PITPNC1: variants seen among roughly 807,000 people sequenced by gnomAD.
PITPNC1 encodes phosphatidylinositol transfer protein cytoplasmic 1, also known as cytoplasmic phosphatidylinositol transfer protein 1.
In PITPNC1, 18 loss-of-function variants were observed where a neutral mutation model predicts 44.7. The observed-to-expected ratio is 0.40, with a 90% confidence interval of 0.28 to 0.60. The LOEUF (loss-of-function observed/expected upper bound fraction) is 0.60. Among genes scored for constraint, PITPNC1 ranks in the 20% least tolerant of loss-of-function variants. The pLI is 0.39. For missense variants in PITPNC1, 290 were observed against 418.4 expected (o/e 0.69, Z 2.68); for synonymous variants, 141 against 149.6 (o/e 0.94, Z 0.42).
At chr17:67,414,686 A>ATTTT (rs2038561057) in intron 1 of PITPNC1, among the ~76,000 whole-genome samples, 1 of 152,162 alleles carries the variant, frequency 6.6e-6, no homozygotes. Flanking sequence ...GTCAACCCGC[A>ATTTT]GGGGTTGAAA....
chr17:67,451,826 T>A (rs571778836), intron 1 of PITPNC1, among the ~76,000 whole-genome samples: 5 of 151,546 alleles, frequency 3.3e-5, no homozygotes, highest in Admixed American at 6.6e-5. Context: ...TTAGTAGAGA[T>A]GGAGTTTCAC....
chr17:67,537,846 C>G (rs2040550896), intron 2 of PITPNC1, among the ~76,000 whole-genome samples: 1 of 151,768 alleles, frequency 6.6e-6, no homozygotes, highest in African/African-American at 2.4e-5. Flanking sequence ...GTGGCGGGTG[C>G]CTGTAATCCC....
intron 6 of PITPNC1, among the ~76,000 whole-genome samples, chr17:67,663,010 T>G (rs969918216): frequency 3.9e-5 from 6 of 152,196 alleles, no homozygotes; most frequent in Non-Finnish European, 7.3e-5. Context: ...GTGCATGTCT[T>G]TTTGGTAGAA....
rs1316853367 is a variant in PITPNC1, at chr17:67,692,299, A to C, written c.683-273A>C. ...CCGTCTAGTTCTGTATTCTACTGTTAAGTCCTTATTGAGAATACTTAAAAT... is the reference window on the plus strand; with the variant it reads ...CCGTCTAGTTCTGTATTCTACTGTTCAGTCCTTATTGAGAATACTTAAAAT... On this transcript the variant is annotated intron_variant, in intron 8 of 8. Coordinates refer to ENST00000581322, the MANE Select transcript of PITPNC1 (RefSeq NM_012417.4). Among the ~76,000 whole-genome samples the C allele has an allele frequency of 2.6e-5, 4 of 152,306 alleles. No individual in the cohort carries two copies. The East Asian group carries it at 7.7e-4, about 29-fold the overall frequency.
intron 5 of PITPNC1, among the ~76,000 whole-genome samples, chr17:67,622,200 T>G (rs2041839185): frequency 1.4e-5 from 2 of 142,498 alleles, no homozygotes; most frequent in South Asian, 2.2e-4. Context: ...GAGCTTGCAG[T>G]GAGCCGAGAT....
At chr17:67,515,598 G>A (rs1490936593) in intron 1 of PITPNC1, among the ~76,000 whole-genome samples, 1 of 152,182 alleles carries the variant, frequency 6.6e-6, no homozygotes, top group African/African-American at 2.4e-5. Context: ...ATTTCCAACT[G>A]ATAAGAGAGT....
intron 6 of PITPNC1, among the ~76,000 whole-genome samples, chr17:67,634,119 A>G (rs1166283128): frequency 2.6e-5 from 4 of 152,148 alleles, no homozygotes; most frequent in South Asian, 2.1e-4. Flanking sequence ...CTTTTCCTTC[A>G]TGCTTCACAG....
intron 4 of PITPNC1, among the ~76,000 whole-genome samples, chr17:67,562,732 T>C (rs914090993): frequency 6.6e-6 from 1 of 152,214 alleles, no homozygotes; most frequent in Non-Finnish European, 1.5e-5. Flanking sequence ...TTTGCCTGTA[T>C]GATAACTAAG....
At chr17:67,685,081 G>C (rs1353129655) in intron 8 of PITPNC1, among the ~76,000 whole-genome samples, 5 of 152,230 alleles carry the variant, frequency 3.3e-5, no homozygotes. Context: ...TGATCGTCTA[G>C]TATTATTTCA....
rs956232044 is a variant in PITPNC1 at position 67,530,484 on chromosome 17, A to C, written c.49-2318A>C. Among the ~76,000 whole-genome samples the C allele has an allele frequency of 2.4e-4, 36 of 152,062 alleles. 2 individuals are homozygous for C. The highest frequency in any genetic ancestry group is 2.2e-3 in the Admixed American group (33 of 15,258). ...GTCTAAGTTTCCCTTTATTATAAGGACACCAGGCATTTTGGATAAGGGCCT... is the reference window on the plus strand; with the variant it reads ...GTCTAAGTTTCCCTTTATTATAAGGCCACCAGGCATTTTGGATAAGGGCCT... On this transcript the variant is annotated intron_variant, in intron 1 of 8. Coordinates refer to ENST00000581322, the MANE Select transcript of PITPNC1 (RefSeq NM_012417.4).
chr17:67,636,522 G>C (rs1460928396), intron 6 of PITPNC1, among the ~76,000 whole-genome samples: 12 of 152,200 alleles, frequency 7.9e-5, no homozygotes, highest in Admixed American at 7.9e-4. Flanking sequence ...CCTCCCAGGG[G>C]ATCTGCTGGC....
chr17:67,531,721 G>A (rs1179519931), intron 1 of PITPNC1, among the ~76,000 whole-genome samples: 1 of 152,150 alleles, frequency 6.6e-6, no homozygotes, highest in Non-Finnish European at 1.5e-5. Context: ...GAATAACCCC[G>A]AGTCCTCATT....
intron 1 of PITPNC1, among the ~76,000 whole-genome samples, chr17:67,530,793 A>G (rs1568028685): frequency 6.6e-6 from 1 of 152,214 alleles, no homozygotes. Context: ...AAGGTGGCAT[A>G]TTGATCTCAC....
chr17:67,606,514 G>T (rs1382265094), intron 5 of PITPNC1, among the ~76,000 whole-genome samples: 1 of 152,374 alleles, frequency 6.6e-6, no homozygotes, highest in South Asian at 2.1e-4. Context: ...GTTTGCAGAT[G>T]CAGGCCTGAG....
intron 1 of PITPNC1, among the ~76,000 whole-genome samples, chr17:67,486,435 G>A (rs1271417566): frequency 6.6e-6 from 1 of 152,160 alleles, no homozygotes; most frequent in Non-Finnish European, 1.5e-5. Context: ...TCTGTATGTA[G>A]TCTTGCTAAG....
chr17:67,509,574 ATAAAT>A (rs2040153746), intron 1 of PITPNC1, among the ~76,000 whole-genome samples: 2 of 149,548 alleles, frequency 1.3e-5, no homozygotes, highest in African/African-American at 4.9e-5. Flanking sequence ...AAATAAATAA[ATAAAT>A]AAATAAATAA....
chr17:67,488,720 T>C (rs2039819103), intron 1 of PITPNC1, among the ~76,000 whole-genome samples: 1 of 152,206 alleles, frequency 6.6e-6, no homozygotes, highest in South Asian at 2.1e-4. Flanking sequence ...GCCTGTTCAG[T>C]GGTAACTGCC....
Position 67,549,394 on chromosome 17 carries a change from C to G in PITPNC1, c.198-2863C>G, listed in dbSNP as rs1170294491. ...TCTCCCAAAAAAGGAAGAAGAGTTC[C>G]ATAAAATATCAGCTATCTTGACTAA... On this transcript the variant is annotated intron_variant, in intron 2 of 8. Transcript: ENST00000581322. 3.3e-5 allele frequency among the ~76,000 whole-genome samples: 5 copies of G among 152,172 alleles called. No individual in the cohort carries two copies. The South Asian group carries it at 1.0e-3, about 32-fold the overall frequency.
chr17:67,657,129 T>G (rs2042278379), intron 6 of PITPNC1, among the ~76,000 whole-genome samples: 1 of 151,888 alleles, frequency 6.6e-6, no homozygotes. Flanking sequence ...GACCAGATAA[T>G]TTGGTTCCCT....
Sources: gnomAD v4.1 joint callset for allele counts (sites outside exome capture counted in the v4.1 genomes callset) on GRCh38, gnomAD v4.1.1 for gene constraint, MANE v1.5 for transcripts, NCBI Gene and HGNC (gene_info 2026-07-23, HGNC 2026-07-21) for gene names.